The following RAPH1 variants were observed in gnomAD, a reference collection of about 807,000 sequenced individuals.
RAPH1 encodes the protein ras-associated and pleckstrin homology domains-containing protein 1.
A neutral mutation model predicts 88.1 loss-of-function variants in RAPH1; 18 were observed. The observed-to-expected ratio is 0.20, with a 90% CI of 0.14 to 0.30. The LOEUF is 0.30. Ranked by LOEUF, RAPH1 falls within the 10% of genes least tolerant of loss-of-function variation. RAPH1 has a pLI of 1.00. For missense variants in RAPH1, 1,448 were observed against 1,543.2 expected (o/e 0.94, Z 1.03); for synonymous variants, 587 against 559.0 (o/e 1.05, Z -0.71).
chr2:203,510,678 G>A (rs569571025), intron 1 of RAPH1, among the ~76,000 whole-genome samples: 124 of 152,028 alleles, frequency 8.2e-4, no homozygotes, highest in Middle Eastern at 3.4e-3. Flanking sequence ...GTGAGGTCTG[G>A]GAACTGTGAC....
At chr2:203,471,636 G>C (rs1026545488) in intron 4 of RAPH1, among the ~76,000 whole-genome samples, 1 of 151,680 alleles carries the variant, frequency 6.6e-6, no homozygotes, top group Non-Finnish European at 1.5e-5. Flanking sequence ...GTACATACAC[G>C]GTCATAGATA....
At chr2:203,470,227 A>T (rs762325871) in intron 4 of RAPH1, 9 of 1,589,930 alleles carry the variant, frequency 5.7e-6, no homozygotes, top group Non-Finnish European at 7.7e-6. Context: ...ATGCATGTGG[A>T]AGAAGTATCA....
Position 203,441,270 on chromosome 2 carries a change from G to GGGT in RAPH1, c.1917_1919dup (p.Pro648dup). 1.5e-6 allele frequency: 2 copies of GGGT among 1,348,364 alleles called. No homozygotes were observed. The highest frequency in any genetic ancestry group is 1.4e-5 in the South Asian group (1 of 70,550). The allele number at this position is 1,348,364 out of a possible 1,614,324, so 83.5% of individuals were successfully genotyped here. A position where few individuals can be genotyped will look rare whatever the true frequency, so the allele number is the denominator to read the frequency against. Reference sequence around the variant, plus strand: ...GTGGGGGAGGAGGGGGTGGTGGAGGGGGTGGTGGAGGAGGAGGTGGGGGTG... The same window carrying GGGT: ...GTGGGGGAGGAGGGGGTGGTGGAGGGGGTGGTGGTGGAGGAGGAGGTGGGGGTG... On this transcript the variant is annotated inframe_insertion, in exon 14 of 14. Coordinates refer to ENST00000319170, the MANE Select transcript of RAPH1 (RefSeq NM_213589.3).
At chr2:203,514,292 G>A (rs1305423782) in intron 1 of RAPH1, among the ~76,000 whole-genome samples, 1 of 152,208 alleles carries the variant, frequency 6.6e-6, no homozygotes, top group Non-Finnish European at 1.5e-5. Context: ...TAGTTCAAAT[G>A]AAGTCTCAGG....
chr2:203,509,933 T>C (rs148876728), intron 1 of RAPH1, among the ~76,000 whole-genome samples: 134 of 152,236 alleles, frequency 8.8e-4, no homozygotes, highest in African/African-American at 3.1e-3. Flanking sequence ...ACCATGATTG[T>C]ATAAGCTTTC....
intron 4 of RAPH1, among the ~76,000 whole-genome samples, chr2:203,467,066 A>G (rs2098529091): frequency 6.6e-6 from 1 of 152,236 alleles, no homozygotes; most frequent in South Asian, 2.1e-4. Context: ...AATGTAAATT[A>G]AAATGATTTA....
chr2:203,501,842 A>G (rs1467760606), intron 1 of RAPH1, among the ~76,000 whole-genome samples: 3 of 151,604 alleles, frequency 2.0e-5, no homozygotes, highest in Non-Finnish European at 4.4e-5. Flanking sequence ...AAGGCAAAAA[A>G]ACAAATACAA....
intron 13 of RAPH1, 106 bp from the exon 14 acceptor site, chr2:203,441,519 A>G: frequency 7.1e-7 from 1 of 1,416,432 alleles, no homozygotes; most frequent in Non-Finnish European, 9.2e-7. Flanking sequence ...GGAGTCTGGG[A>G]CATGCATGAA....
intron 4 of RAPH1, among the ~76,000 whole-genome samples, chr2:203,484,462 T>C (rs1408788784): frequency 6.6e-6 from 1 of 152,186 alleles, no homozygotes; most frequent in African/African-American, 2.4e-5. Flanking sequence ...GCACACGCCC[T>C]TGATGGACAA....
chr2:203,507,705 A>G (rs1262572647), intron 1 of RAPH1, among the ~76,000 whole-genome samples: 1 of 152,230 alleles, frequency 6.6e-6, no homozygotes, highest in African/African-American at 2.4e-5. Flanking sequence ...TTCCATATTC[A>G]ATGGAACTTA....
intron 13 of RAPH1, chr2:203,441,995 T>A (rs2098504687): frequency 6.5e-7 from 1 of 1,537,552 alleles, no homozygotes; most frequent in Non-Finnish European, 8.7e-7. Flanking sequence ...ACACACACAC[T>A]CGTGTTGGTG....
In RAPH1 at chr2:203,440,233, C is replaced by A; in HGVS notation, c.2957G>T (p.Gly986Val). ...QRNSSIKSSS[G>V]AEHPEPKRPS... ...TCTCTTGGGCTCGGGGTGCTCTGCA[C>A]CACTGCTGGATTTAATGCTGGAGTT... Residue 986 changes from glycine (G) to valine (V), a missense_variant, in exon 14 of 14, where the codon GGT becomes GTT. Transcript: ENST00000319170. The A allele has an allele frequency of 6.2e-7, 1 of 1,613,994 alleles. No homozygotes were observed. The highest frequency in any genetic ancestry group is 1.3e-5 in the African/African-American group (1 of 75,006).
intron 4 of RAPH1, among the ~76,000 whole-genome samples, chr2:203,472,124 GTTC>G (rs2098533668): frequency 6.7e-6 from 1 of 149,846 alleles, no homozygotes; most frequent in African/African-American, 2.5e-5. Context: ...GGTTTCTTTA[GTTC>G]TTTTTTTTTT....
intron 4 of RAPH1, among the ~76,000 whole-genome samples, chr2:203,463,982 G>A (rs973149980): frequency 6.6e-6 from 1 of 152,142 alleles, no homozygotes; most frequent in South Asian, 2.1e-4. Flanking sequence ...AAAGGAATCT[G>A]CAATACTAGC....
rs908244340 is a variant in RAPH1 at position 203,439,214 on chromosome 2, GCTCT to G, written c.*219_*222del. ...AAAGGAATAAATAGAATAACTCTCA[GCTCT>G]CTCTCTATATACACATACACATACA... is the stretch of plus-strand genomic sequence containing the variant. On this transcript the variant is annotated 3_prime_UTR_variant, in exon 14 of 14. Transcript: ENST00000319170. 4.7e-5 allele frequency: 22 copies of G among 463,454 alleles called. No individual in the cohort carries two copies. The highest frequency in any genetic ancestry group is 6.9e-5 in the Admixed American group (2 of 29,086). The allele number at this position is 463,454 out of a possible 1,614,324, so 28.7% of individuals were successfully genotyped here.
chr2:203,497,346 C>T (rs1315803015), intron 1 of RAPH1, among the ~76,000 whole-genome samples: 1 of 152,146 alleles, frequency 6.6e-6, no homozygotes, highest in African/African-American at 2.4e-5. Context: ...CAGCAGCACA[C>T]ATGGACTGGT....
At chr2:203,441,560 G>A in intron 13 of RAPH1, 147 bp from the exon 14 acceptor site, 2 of 1,374,806 alleles carry the variant, frequency 1.5e-6, no homozygotes, top group Non-Finnish European at 1.9e-6. Context: ...TGATCATAAA[G>A]ATGGACAATG....
At chr2:203,468,015 C>T (rs2098529990) in intron 4 of RAPH1, among the ~76,000 whole-genome samples, 1 of 152,138 alleles carries the variant, frequency 6.6e-6, no homozygotes, top group Non-Finnish European at 1.5e-5. Context: ...AACTCCACCA[C>T]CTGCCTTAGC....
chr2:203,438,059 C>T lies in RAPH1; in HGVS notation c.*1378G>A. The T allele has an allele frequency of 2.1e-6, 1 of 484,416 alleles. No homozygotes were observed. 30.0% of individuals were successfully genotyped at this position (484,416 alleles called of 1,614,324 possible). On this transcript the variant is annotated 3_prime_UTR_variant, in exon 14 of 14. Coordinates refer to ENST00000319170, the MANE Select transcript of RAPH1 (RefSeq NM_213589.3). ...ATAGTGTGTCGTTAGAGCACTGACT[C>T]CACGTTATACCAAACTGCACACGCA...
Sources: gnomAD v4.1 joint callset for allele counts (sites outside exome capture counted in the v4.1 genomes callset) on GRCh38, gnomAD v4.1.1 for gene constraint, MANE v1.5 for transcripts, NCBI Gene and HGNC (gene_info 2026-07-23, HGNC 2026-07-21) for gene names.